PITPNC1: variants seen among roughly 807,000 people sequenced by gnomAD.
PITPNC1 encodes phosphatidylinositol transfer protein cytoplasmic 1, also known as cytoplasmic phosphatidylinositol transfer protein 1.
A neutral mutation model predicts 44.7 loss-of-function variants in PITPNC1; 18 were observed. The ratio of observed to expected loss-of-function variants is 0.40; its 90% CI spans 0.28 to 0.60. The LOEUF (loss-of-function observed/expected upper bound fraction) is 0.60, where lower values mean the gene tolerates loss of function less well. Among genes scored for constraint, PITPNC1 ranks in the 20% least tolerant of loss-of-function variants. PITPNC1 has a pLI of 0.39. For synonymous variants in PITPNC1, 141 were observed against 149.6 expected (o/e 0.94, Z 0.42); for missense variants, 290 against 418.4 (o/e 0.69, Z 2.68).
intron 6 of PITPNC1, among the ~76,000 whole-genome samples, chr17:67,633,520 CTG>C (rs2144336031): frequency 6.6e-6 from 1 of 152,360 alleles, no homozygotes; most frequent in African/African-American, 2.4e-5. Context: ...GTGGATCACT[CTG>C]TGTTGCTCAT....
At chr17:67,379,696 G>T (rs538030653) in intron 1 of PITPNC1, among the ~76,000 whole-genome samples, 1 of 152,176 alleles carries the variant, frequency 6.6e-6, no homozygotes, top group African/African-American at 2.4e-5. Flanking sequence ...TCCAGAAAAG[G>T]TGGAGATTGT....
chr17:67,579,614 ATTTTTTT>A (rs558310588), intron 5 of PITPNC1, among the ~76,000 whole-genome samples: 46 of 88,804 alleles, frequency 5.2e-4, no homozygotes, highest in African/African-American at 1.6e-3. Context: ...TAAAATAGTG[ATTTTTTT>A]TTTTTTTTTT....
chr17:67,593,803 C>T (rs148244516), intron 5 of PITPNC1, among the ~76,000 whole-genome samples: 8 of 152,198 alleles, frequency 5.3e-5, no homozygotes, highest in African/African-American at 1.9e-4. Flanking sequence ...CTTTGTGATC[C>T]ACTGTTAGCC....
At chr17:67,650,950 C>T (rs1465072811) in intron 6 of PITPNC1, among the ~76,000 whole-genome samples, 2 of 152,288 alleles carry the variant, frequency 1.3e-5, no homozygotes, top group South Asian at 2.1e-4. Flanking sequence ...GAGTCAAACT[C>T]CTTTAAGAGA....
rs1191319792 is a variant in PITPNC1 at position 67,470,765 on chromosome 17, G to A, written c.49-62037G>A. 2.6e-5 allele frequency among the ~76,000 whole-genome samples: 4 copies of A among 151,762 alleles called. No individual in the cohort carries two copies. The East Asian group carries it at 7.8e-4, about 29-fold the overall frequency. On this transcript the variant is annotated intron_variant, in intron 1 of 8. Coordinates refer to ENST00000581322, the MANE Select transcript of PITPNC1 (RefSeq NM_012417.4). Reference sequence around the variant, plus strand: ...GGCGGCTTTGTGGAATAGAAAGGCGGGAAAGGTGGGGAAAAGATTGAGAAA... The same window carrying A: ...GGCGGCTTTGTGGAATAGAAAGGCGAGAAAGGTGGGGAAAAGATTGAGAAA...
At chr17:67,472,050 G>A (rs1237112166) in intron 1 of PITPNC1, among the ~76,000 whole-genome samples, 2 of 152,006 alleles carry the variant, frequency 1.3e-5, no homozygotes, top group Non-Finnish European at 2.9e-5. Flanking sequence ...TTAGACTGCA[G>A]TTGGGGTTTG....
intron 1 of PITPNC1, among the ~76,000 whole-genome samples, chr17:67,405,287 C>T (rs1180285559): frequency 6.6e-6 from 1 of 151,562 alleles, no homozygotes; most frequent in South Asian, 2.1e-4. Context: ...CGCAGTGGCT[C>T]ATGACTGTAA....
At chr17:67,564,182 TG>T (rs2040943830) in intron 4 of PITPNC1, among the ~76,000 whole-genome samples, 1 of 151,632 alleles carries the variant, frequency 6.6e-6, no homozygotes, top group African/African-American at 2.4e-5. Flanking sequence ...GATGGATGGA[TG>T]GATGGATGGA....
intron 6 of PITPNC1, among the ~76,000 whole-genome samples, chr17:67,647,463 G>GTTTTTTTTTTTTT (rs1567757487): frequency 6.6e-5 from 6 of 90,612 alleles, no homozygotes; most frequent in African/African-American, 2.5e-4. Flanking sequence ...GCTAATTTTG[G>GTTTTTTTTTTTTT]GTTTTTTTTT....
intron 6 of PITPNC1, among the ~76,000 whole-genome samples, chr17:67,660,542 G>GTTTATTTA (rs1026927213): frequency 3.8e-5 from 4 of 105,282 alleles, no homozygotes; most frequent in East Asian, 2.9e-4. Flanking sequence ...TTATTTATTT[G>GTTTATTTA]TTTATTTATT....
rs577864483 is a variant in PITPNC1 at position 67,594,212 on chromosome 17, A to AAAGGGGAAAATGGC, written c.366+15957_366+15970dup. ...CTGTTCTGAACTTCCCCAGCTGTGT[A>AAAGGGGAAAATGGC]AAGGGGAAAATGGCACCCACTTCAG... On this transcript the variant is annotated intron_variant, in intron 5 of 8. Transcript: ENST00000581322. 2.8e-3 allele frequency among the ~76,000 whole-genome samples: 429 copies of AAAGGGGAAAATGGC among 152,290 alleles called. 3 individuals are homozygous for AAAGGGGAAAATGGC. The highest frequency in any genetic ancestry group is 1.4e-3 in the Non-Finnish European group (93 of 68,014).
chr17:67,461,701 C>T (rs1567998926), intron 1 of PITPNC1, among the ~76,000 whole-genome samples: 1 of 152,136 alleles, frequency 6.6e-6, no homozygotes, highest in African/African-American at 2.4e-5. Flanking sequence ...CCAAGAGGAT[C>T]GCTTGAGAGC....
chr17:67,450,341 C>T (rs1435498312), intron 1 of PITPNC1, among the ~76,000 whole-genome samples: 1 of 151,700 alleles, frequency 6.6e-6, no homozygotes, highest in Non-Finnish European at 1.5e-5. Flanking sequence ...GTCACAGGCC[C>T]CTCTTCCTCC....
At chr17:67,542,507 A>G (rs188749270) in intron 2 of PITPNC1, among the ~76,000 whole-genome samples, 16 of 152,310 alleles carry the variant, frequency 1.1e-4, no homozygotes, top group Admixed American at 1.0e-3. Flanking sequence ...ACGACGTACA[A>G]CACATTGTGC....
chr17:67,440,082 C>A (rs2038991851), intron 1 of PITPNC1, among the ~76,000 whole-genome samples: 1 of 152,110 alleles, frequency 6.6e-6, no homozygotes, highest in African/African-American at 2.4e-5. Context: ...TAGCCTTGAG[C>A]AAAGCCTAGA....
chr17:67,441,744 T>C (rs992985595), intron 1 of PITPNC1, among the ~76,000 whole-genome samples: 3 of 152,160 alleles, frequency 2.0e-5, no homozygotes, highest in Non-Finnish European at 4.4e-5. Context: ...TTGAGGGTCT[T>C]AGTCGTCATT....
intron 5 of PITPNC1, chr17:67,613,820 C>CT (rs1192583702): frequency 4.2e-5 from 5 of 119,426 alleles, no homozygotes; most frequent in Admixed American, 9.6e-5. Context: ...GAGACTCCGT[C>CT]TCAAAAAAAA....
intron 1 of PITPNC1, among the ~76,000 whole-genome samples, chr17:67,433,990 G>A (rs978526976): frequency 1.3e-5 from 2 of 152,150 alleles, no homozygotes; most frequent in African/African-American, 4.8e-5. Context: ...GTCAGGATGG[G>A]GCAAGGGGCC....
intron 6 of PITPNC1, among the ~76,000 whole-genome samples, chr17:67,633,975 T>C (rs559979527): frequency 6.6e-6 from 1 of 152,372 alleles, no homozygotes; most frequent in South Asian, 2.1e-4. Flanking sequence ...GAAGTCTTGA[T>C]ACAAATATAG....
Sources: gnomAD v4.1 joint callset for allele counts (sites outside exome capture counted in the v4.1 genomes callset) on GRCh38, gnomAD v4.1.1 for gene constraint, MANE v1.5 for transcripts, NCBI Gene and HGNC (gene_info 2026-07-23, HGNC 2026-07-21) for gene names.